The following CPS1 variants were observed in gnomAD, a reference collection of about 807,000 sequenced individuals.
The protein encoded by CPS1 is carbamoyl-phosphate synthase [ammonia], mitochondrial.
Under a neutral mutation model 174.6 loss-of-function variants are expected in CPS1, and 109 were observed. The ratio of observed to expected loss-of-function variants is 0.62; its 90% CI spans 0.53 to 0.73. The LOEUF is 0.73. Among genes scored for constraint, CPS1 ranks in the 30% least tolerant of loss-of-function variants. CPS1 has a pLI of 0.00. For missense variants in CPS1, 1,689 were observed against 1,821.9 expected, an observed-to-expected ratio of 0.93 and a Z score of 1.33; for synonymous variants, 637 against 632.0, an observed-to-expected ratio of 1.01 and a Z score of -0.12.
chr2:210,537,421 C>G (rs1274088323), intron 1 of CPS1, among the ~76,000 whole-genome samples: 1 of 152,184 alleles, frequency 6.6e-6, no homozygotes, highest in African/African-American at 2.4e-5. Context: ...ATGGTGTACT[C>G]TAGCATGAAC....
At chr2:210,512,542 T>A (rs1213303108) in intron 1 of CPS1, among the ~76,000 whole-genome samples, 1 of 151,616 alleles carries the variant, frequency 6.6e-6, no homozygotes, top group African/African-American at 2.4e-5. Context: ...ATTTTATTCT[T>A]TTTTTATGGC....
chr2:210,594,379 A>G, intron 11 of CPS1, 129 bp from the exon 12 acceptor site: 1 of 681,736 alleles, frequency 1.5e-6, no homozygotes. Flanking sequence ...AAGCAAAAAA[A>G]GCTGAAATGC....
upstream of CPS1, among the ~76,000 whole-genome samples, chr2:210,553,858 C>T (rs777925537): frequency 2.5e-4 from 38 of 151,456 alleles, no homozygotes; most frequent in South Asian, 1.2e-3. Context: ...ATATTTTTTT[C>T]CAGTTTGGTT....
At chr2:210,648,153 C>T (rs1327003253) in intron 26 of CPS1, 96 bp downstream of exon 26, 4 of 1,249,490 alleles carry the variant, frequency 3.2e-6, no homozygotes, top group Non-Finnish European at 4.6e-6. Context: ...ATGTTAACTA[C>T]AGGGCAGATA....
chr2:210,676,958 A>G, intron 36 of CPS1, 49 bp from the exon 37 acceptor site: 1 of 1,575,516 alleles, frequency 6.3e-7, no homozygotes. Context: ...TTTATAAACT[A>G]ACTATAAAAT....
intron 25 of CPS1, among the ~76,000 whole-genome samples, chr2:210,643,648 A>G (rs1233622359): frequency 6.6e-6 from 1 of 152,154 alleles, no homozygotes; most frequent in Non-Finnish European, 1.5e-5. Flanking sequence ...AGTATAAAGT[A>G]TAGTGCTAGA....
chr2:210,642,855 GC>G (rs1219861031), intron 25 of CPS1, among the ~76,000 whole-genome samples, 190 bp downstream of exon 25: 1 of 151,966 alleles, frequency 6.6e-6, no homozygotes, highest in Non-Finnish European at 1.5e-5. Flanking sequence ...ATATTTTTGA[GC>G]CCCTGGCCCA....
intron 1 of CPS1, among the ~76,000 whole-genome samples, chr2:210,500,496 T>A (rs1326495075): frequency 6.6e-6 from 1 of 152,194 alleles, no homozygotes; most frequent in Non-Finnish European, 1.5e-5. Context: ...ATACACCTAT[T>A]CCAAATGGGA....
At chr2:210,610,772 G>A (rs185782613) in intron 19 of CPS1, among the ~76,000 whole-genome samples, 1 of 151,628 alleles carries the variant, frequency 6.6e-6, no homozygotes, top group African/African-American at 2.4e-5. Context: ...AAAATATATA[G>A]AGAGAGTATT....
At chr2:210,498,134 T>C (rs1374335609) in intron 1 of CPS1, among the ~76,000 whole-genome samples, 2 of 151,850 alleles carry the variant, frequency 1.3e-5, no homozygotes, top group East Asian at 1.9e-4. Context: ...TTGTATCTTA[T>C]TTTGGTTTTG....
In CPS1 at chr2:210,616,403, A is replaced by T. The variant is rs1175073146; in HGVS notation, c.2569-20A>T. 6.6e-7 allele frequency: 1 copy of T among 1,517,288 alleles called. No homozygotes were observed. 94.0% of individuals were successfully genotyped at this position (1,517,288 alleles called of 1,614,324 possible). A position where few individuals can be genotyped will look rare whatever the true frequency, so the allele number is the denominator to read the frequency against. ...TAGAAAAATGTTTGCCAAAGAAAGT[A>T]TCTCTTCTCCTCTTGGCAGGCCATT... is the stretch of plus-strand genomic sequence containing the variant. On this transcript the variant is annotated intron_variant, in intron 20 of 37. Coordinates refer to ENST00000233072, the MANE Select transcript of CPS1 (RefSeq NM_001875.5).
At chr2:210,664,271 T>C (rs1006219829) in intron 33 of CPS1, among the ~76,000 whole-genome samples, 20 of 152,162 alleles carry the variant, frequency 1.3e-4, no homozygotes, top group African/African-American at 4.6e-4. Flanking sequence ...GTAATGCTGA[T>C]TTTAGATGGC....
At chr2:210,610,839 T>G (rs1699089541) in intron 19 of CPS1, among the ~76,000 whole-genome samples, 1 of 143,110 alleles carries the variant, frequency 7.0e-6, no homozygotes, top group African/African-American at 2.8e-5. Context: ...GTTATACACG[T>G]TTTTTTTTTA....
At chr2:210,625,415 CT>C in intron 21 of CPS1, among the ~76,000 whole-genome samples, 1 of 152,092 alleles carries the variant, frequency 6.6e-6, no homozygotes, top group East Asian at 1.9e-4. Context: ...GAAACAAAAG[CT>C]CTTAGCTAAC....
chr2:210,568,917 G>T (rs1697386908), intron 1 of CPS1, among the ~76,000 whole-genome samples: 1 of 151,982 alleles, frequency 6.6e-6, no homozygotes. Context: ...AGAATTAAAA[G>T]AAATAATCAG....
chr2:210,583,893 G>A (rs1192827727), intron 6 of CPS1, among the ~76,000 whole-genome samples: 1 of 152,136 alleles, frequency 6.6e-6, no homozygotes, highest in East Asian at 1.9e-4. Flanking sequence ...ACGAGAGCCT[G>A]AACTGAGCAG....
chr2:210,650,022 A>G (rs1238443031), intron 27 of CPS1, among the ~76,000 whole-genome samples: 1 of 152,208 alleles, frequency 6.6e-6, no homozygotes, highest in Admixed American at 6.5e-5. Context: ...AATCCTGTTA[A>G]GGCTTAAGAA....
intron 21 of CPS1, among the ~76,000 whole-genome samples, chr2:210,620,231 A>G (rs2105872311): frequency 6.6e-6 from 1 of 152,290 alleles, no homozygotes; most frequent in Admixed American, 6.5e-5. Context: ...CATATTTAGT[A>G]TATATAAATA....
intron 5 of CPS1, among the ~76,000 whole-genome samples, chr2:210,581,295 C>G (rs559339186): frequency 2.2e-4 from 33 of 152,136 alleles, no homozygotes; most frequent in Non-Finnish European, 4.0e-4. Flanking sequence ...TTTACAAGAC[C>G]GCACTTGTCT....
Sources: gnomAD v4.1 joint callset for allele counts (sites outside exome capture counted in the v4.1 genomes callset) on GRCh38, gnomAD v4.1.1 for gene constraint, MANE v1.5 for transcripts, NCBI Gene and HGNC (gene_info 2026-07-23, HGNC 2026-07-21) for gene names.